MTG1: variants seen among roughly 807,000 people sequenced by gnomAD.
The protein encoded by MTG1 is mitochondrial ribosome-associated GTPase 1.
A neutral mutation model predicts 39.5 loss-of-function variants in MTG1; 30 were observed. That is an observed-to-expected ratio of 0.76 (90% CI 0.57 to 1.03). The LOEUF (loss-of-function observed/expected upper bound fraction) is 1.03. Among genes scored for constraint, MTG1 ranks in the 50% least tolerant of loss-of-function variants. The probability of loss-of-function intolerance (pLI) is 0.00; values close to 1 mark genes in which losing one functional copy is unlikely to be tolerated. For missense variants in MTG1, 513 were observed against 447.4 expected (o/e 1.15, Z -1.32); for synonymous variants, 217 against 179.0 (o/e 1.21, Z -1.69).
chr10:133,394,249 G>GC lies in MTG1; in HGVS notation c.30dup (p.Ala11ArgfsTer66). 1 of 1,518,744 alleles carries GC rather than the reference G, an allele frequency of 6.6e-7. No individual in the cohort carries two copies. The highest frequency in any genetic ancestry group is 1.2e-5 in the South Asian group (1 of 82,234). 94.1% of individuals were successfully genotyped at this position (1,518,744 alleles called of 1,614,324 possible). A position where few individuals can be genotyped will look rare whatever the true frequency, so the allele number is the denominator to read the frequency against. ...AGATTGACCCCGCGCGCGCTGTGCA[G>GC]CGCCGCCCAGGCCGCCTGGCGGGAG... On this transcript the variant is annotated frameshift_variant, in exon 1 of 11. Transcript: ENST00000317502. LOFTEE classifies it high-confidence loss of function.
At chr10:133,403,022 A>C (rs1042833198) in intron 9 of MTG1, among the ~76,000 whole-genome samples, 1 of 148,952 alleles carries the variant, frequency 6.7e-6, no homozygotes, top group Non-Finnish European at 1.5e-5. Flanking sequence ...AATCAAGGAA[A>C]CGAGCGTTCC....
intron 7 of MTG1, chr10:133,401,855 G>A: frequency 3.2e-6 from 2 of 621,210 alleles, no homozygotes; most frequent in South Asian, 3.8e-5. Flanking sequence ...CAGTGGTCAG[G>A]ACAGACCTGA....
At chr10:133,407,153 T>C (rs927920694) in intron 9 of MTG1, among the ~76,000 whole-genome samples, 2 of 152,206 alleles carry the variant, frequency 1.3e-5, no homozygotes, top group African/African-American at 4.8e-5. Context: ...TGTTCCACTG[T>C]TCTGTGTATG....
intron 3 of MTG1, among the ~76,000 whole-genome samples, chr10:133,396,607 A>G (rs891687315): frequency 6.6e-6 from 1 of 152,242 alleles, no homozygotes; most frequent in Non-Finnish European, 1.5e-5. Context: ...GAGCTTTTCC[A>G]GTGTAATAAA....
At chr10:133,404,301 A>AT (rs1426509392) in intron 9 of MTG1, among the ~76,000 whole-genome samples, 1 of 151,068 alleles carries the variant, frequency 6.6e-6, no homozygotes, top group Non-Finnish European at 1.5e-5. Flanking sequence ...TGATTTTTGT[A>AT]TTTTTTGTAG....
chr10:133,399,931 G>A (rs1755013515), intron 6 of MTG1: 3 of 257,594 alleles, frequency 1.2e-5, no homozygotes, highest in East Asian at 1.8e-4. Context: ...CATGGCTCAC[G>A]CCTGTAATCC....
At position 133,399,368 on chromosome 10, in the gene MTG1, A is replaced by G. The variant is rs112428336; in HGVS notation, c.420+142A>G. On this transcript the variant is annotated intron_variant, in intron 5 of 10. Coordinates refer to ENST00000317502, the MANE Select transcript of MTG1 (RefSeq NM_138384.4). ...TGTCCTCTCATTCTCTTCAGTGGAA[A>G]GGGCCGAGGCCGTCCCCGCTGGGTG... 3.8e-4 allele frequency: 463 copies of G among 1,222,834 alleles called. 3 individuals are homozygous for G. In the African/African-American group the frequency reaches 6.4e-3, roughly 17 times the overall value. The allele number at this position is 1,222,834 out of a possible 1,614,324, so 75.7% of individuals were successfully genotyped here. A position where few individuals can be genotyped will look rare whatever the true frequency, so the allele number is the denominator to read the frequency against.
At chr10:133,401,170 G>A (rs1849869282) in intron 6 of MTG1, among the ~76,000 whole-genome samples, 1 of 152,186 alleles carries the variant, frequency 6.6e-6, no homozygotes, top group African/African-American at 2.4e-5. Flanking sequence ...CGTGGAAGGA[G>A]CAGCTCAGGT....
At position 133,420,146 on chromosome 10, in the gene MTG1, C is replaced by A; in HGVS notation, c.986C>A (p.Pro329Gln). The change falls in exon 11 of 11, where the codon CCG becomes CAG. Residue 329 changes from proline (P) to glutamine (Q), a missense_variant. Coordinates refer to ENST00000317502, the MANE Select transcript of MTG1 (RefSeq NM_138384.4). ...LDLDVLRGHPPAETLP is the reference protein window; with the variant it reads ...LDLDVLRGHPQAETLP ...CTCGACGTCCTGCGGGGCCACCCCC[C>A]GGCTGAGACTTTGCCCTGAACTTGT... The A allele has an allele frequency of 1.9e-6, 3 of 1,611,634 alleles. No individual in the cohort carries two copies. Among genetic ancestry groups the A allele is most frequent in the African/African-American group, 1.3e-5 (1 of 75,050 alleles).
chr10:133,410,492 A>G (rs1032762414), intron 9 of MTG1, among the ~76,000 whole-genome samples: 2 of 152,050 alleles, frequency 1.3e-5, no homozygotes, highest in Non-Finnish European at 2.9e-5. Flanking sequence ...CTTCCTTCGC[A>G]TGTGGTTAAG....
At chr10:133,414,457 G>A (rs1185119801) in intron 9 of MTG1, among the ~76,000 whole-genome samples, 3 of 152,054 alleles carry the variant, frequency 2.0e-5, no homozygotes, top group African/African-American at 4.8e-5. Context: ...GGTGGTGGCC[G>A]GGCAGAGGGG....
chr10:133,411,544 T>A lies in MTG1; in HGVS notation c.753-7936T>A, dbSNP rs1039097225. Among the ~76,000 whole-genome samples the A allele has an allele frequency of 5.6e-4, 85 of 152,248 alleles. 4 individuals are homozygous for A. Among genetic ancestry groups the A allele is most frequent in the Non-Finnish European group, 8.8e-5 (6 of 68,046 alleles). On this transcript the variant is annotated intron_variant, in intron 9 of 10. Coordinates refer to ENST00000317502, the MANE Select transcript of MTG1 (RefSeq NM_138384.4). Reference sequence around the variant, plus strand: ...TTTGAATAAACTTTCTGTGCCTTCCTCTTGCTCGGTTCCTTCTTGAACCCC... The same window carrying A: ...TTTGAATAAACTTTCTGTGCCTTCCACTTGCTCGGTTCCTTCTTGAACCCC...
At chr10:133,417,540 G>A (rs1427658662) in intron 9 of MTG1, among the ~76,000 whole-genome samples, 1 of 151,712 alleles carries the variant, frequency 6.6e-6, no homozygotes, top group Admixed American at 6.6e-5. Context: ...CAGTTAGGCA[G>A]GAGAAGGAAA....
intron 1 of MTG1, chr10:133,394,653 C>T (rs985227987): frequency 8.4e-7 from 1 of 1,192,004 alleles, no homozygotes; most frequent in Non-Finnish European, 1.0e-6. Flanking sequence ...CCTTTTAATC[C>T]CCCGAAGCCT....
intron 9 of MTG1, among the ~76,000 whole-genome samples, chr10:133,415,010 A>T (rs949614078): frequency 9.9e-5 from 15 of 152,228 alleles, no homozygotes; most frequent in African/African-American, 3.6e-4. Flanking sequence ...CCAAAAAAAT[A>T]CGAAAACCAG....
rs191186311 is a variant in MTG1 at position 133,399,351 on chromosome 10, C to G, written c.420+125C>G. On this transcript the variant is annotated intron_variant, in intron 5 of 10. Coordinates refer to ENST00000317502, the MANE Select transcript of MTG1 (RefSeq NM_138384.4). Reference sequence around the variant, plus strand: ...CAGGGAGGCCCCTCCTTTGTCCTCTCATTCTCTTCAGTGGAAAGGGCCGAG... The same window carrying G: ...CAGGGAGGCCCCTCCTTTGTCCTCTGATTCTCTTCAGTGGAAAGGGCCGAG... 7.1e-3 allele frequency: 9,035 copies of G among 1,278,472 alleles called. 83 individuals are homozygous for G. The highest frequency in any genetic ancestry group is 0.016 in the South Asian group (1,280 of 81,576). The allele number at this position is 1,278,472 out of a possible 1,614,324, so 79.2% of individuals were successfully genotyped here.
intron 9 of MTG1, among the ~76,000 whole-genome samples, chr10:133,416,497 C>T (rs1385279936): frequency 1.3e-5 from 2 of 150,908 alleles, no homozygotes; most frequent in Admixed American, 6.6e-5. Context: ...TGGTGTACTG[C>T]ACCCATTAAC....
At chr10:133,401,282 T>C (rs1051797246) in intron 6 of MTG1, 3 of 416,840 alleles carry the variant, frequency 7.2e-6, no homozygotes, top group Non-Finnish European at 1.3e-5. Context: ...AAAGTGCCCT[T>C]GCTGTGAGCT....
At position 133,398,522 on chromosome 10, in the gene MTG1, T is replaced by G. The variant is rs748853384; in HGVS notation, c.363+7T>G. The G allele has an allele frequency of 8.1e-6, 13 of 1,612,472 alleles. No individual in the cohort carries two copies. The highest frequency in any genetic ancestry group is 1.0e-5 in the Non-Finnish European group (12 of 1,179,554). ...GGATGAAAATGTCAAGCAGGTAGGC[T>G]TTTCGTCTGTGCTCTCTCTGACGCT... On this transcript the variant is annotated splice_region_variant and intron_variant, in intron 4 of 10. Coordinates refer to ENST00000317502, the MANE Select transcript of MTG1 (RefSeq NM_138384.4).
Sources: allele counts gnomAD v4.1 joint callset (sites outside exome capture counted in the v4.1 genomes callset), GRCh38; gene constraint gnomAD v4.1.1; transcripts MANE v1.5; gene names NCBI Gene and HGNC (gene_info 2026-07-23, HGNC 2026-07-21).